PHACTR4: variants seen among roughly 807,000 people sequenced by gnomAD.
PHACTR4 encodes phosphatase and actin regulator 4.
Under a neutral mutation model 72.7 loss-of-function variants are expected in PHACTR4, and 51 were observed. The observed-to-expected ratio is 0.70, with a 90% CI of 0.56 to 0.89. The LOEUF (loss-of-function observed/expected upper bound fraction) is 0.89, where lower values mean the gene tolerates loss of function less well. Ranked by LOEUF, PHACTR4 falls within the 40% of genes least tolerant of loss-of-function variation. The pLI is 0.00. For missense variants in PHACTR4, 731 were observed against 861.8 expected (o/e 0.85, Z 1.90); for synonymous variants, 255 against 302.5 (o/e 0.84, Z 1.63).
At chr1:28,434,479 G>A (rs1656501889) in intron 2 of PHACTR4, among the ~76,000 whole-genome samples, 1 of 151,924 alleles carries the variant, frequency 6.6e-6, no homozygotes, top group African/African-American at 2.4e-5. Flanking sequence ...GTACCACCAA[G>A]CCCAGCTAAT....
At chr1:28,388,388 A>G (rs1652733307) in intron 1 of PHACTR4, among the ~76,000 whole-genome samples, 1 of 152,186 alleles carries the variant, frequency 6.6e-6, no homozygotes, top group Non-Finnish European at 1.5e-5. Context: ...TGAATAGACT[A>G]GGGAATCCAG....
At chr1:28,461,003 CA>C (rs1053699903) in intron 4 of PHACTR4, among the ~76,000 whole-genome samples, 1 of 152,140 alleles carries the variant, frequency 6.6e-6, no homozygotes, top group Non-Finnish European at 1.5e-5. Flanking sequence ...GTCTACCAGT[CA>C]TTGTTTGTTT....
chr1:28,446,803 C>T (rs1463611907), intron 2 of PHACTR4, among the ~76,000 whole-genome samples: 2 of 151,694 alleles, frequency 1.3e-5, no homozygotes, highest in Admixed American at 6.6e-5. Context: ...GTGTGTGGCA[C>T]CTGCCCCCTT....
intron 1 of PHACTR4, among the ~76,000 whole-genome samples, chr1:28,405,922 A>G (rs1569850181): frequency 6.6e-6 from 1 of 151,988 alleles, no homozygotes; most frequent in Admixed American, 6.6e-5. Context: ...AGAAAAAAAT[A>G]ATCTCACTAG....
chr1:28,439,872 T>A (rs900954464), intron 2 of PHACTR4, among the ~76,000 whole-genome samples: 1 of 152,218 alleles, frequency 6.6e-6, no homozygotes, highest in Non-Finnish European at 1.5e-5. Context: ...TAGTAAGGAC[T>A]CAATGCTAGG....
chr1:28,379,901 T>C (rs888595479), intron 1 of PHACTR4, among the ~76,000 whole-genome samples: 1 of 151,914 alleles, frequency 6.6e-6, no homozygotes, highest in African/African-American at 2.4e-5. Context: ...TAATTTCTTA[T>C]ATTCCATAAT....
Position 28,454,438 on chromosome 1 carries a change from G to A in PHACTR4, c.17-4647G>A, listed in dbSNP as rs1009393552. 5.9e-5 allele frequency among the ~76,000 whole-genome samples: 9 copies of A among 151,630 alleles called. No individual in the cohort carries two copies. The South Asian group carries it at 1.3e-3, about 21-fold the overall frequency. ...ACTATAGGCACCCGCCACTGCGCCC[G>A]GCTAATTTTTTGTATTTTTAGTAGA... On this transcript the variant is annotated intron_variant, in intron 2 of 13. Transcript: ENST00000373839.
Position 28,496,728 on chromosome 1 carries a change from C to T in PHACTR4, c.*179C>T, listed in dbSNP as rs914713752. The T allele has an allele frequency of 1.6e-5, 11 of 699,136 alleles. No individual in the cohort carries two copies. The highest frequency in any genetic ancestry group is 3.6e-5 in the African/African-American group (2 of 56,138). 43.3% of individuals were successfully genotyped at this position (699,136 alleles called of 1,614,324 possible). On this transcript the variant is annotated 3_prime_UTR_variant, in exon 14 of 14. Coordinates refer to ENST00000373839, the MANE Select transcript of PHACTR4 (RefSeq NM_001048183.3). ...TGGAACAGAGTCTTATGTGCTGCAC[C>T]GGGGGCAAAACAACACTTTGTCAGT... is the stretch of plus-strand genomic sequence containing the variant.
Position 28,465,710 on chromosome 1 carries a change from C to A in PHACTR4, c.297C>A (p.Ser99Arg), listed in dbSNP as rs1170866513. ...EQGGEDPGKP[S>R]DAMLKNGHTT... ...GTGGTGAGGATCCAGGAAAGCCAAG[C>A]GATGCCATGTTAAAGAATGGCCATA... The change falls in exon 5 of 14, where the codon AGC becomes AGA. Residue 99 changes from serine (S) to arginine (R), a missense_variant. Ser to Arg is a moderately radical substitution (Grantham distance 110, BLOSUM62 -1). This residue lies in a region of PHACTR4 where 621 missense variants were observed against 676.6 expected (regional missense o/e 0.92). Coordinates refer to ENST00000373839, the MANE Select transcript of PHACTR4 (RefSeq NM_001048183.3). 6.2e-7 allele frequency: 1 copy of A among 1,613,666 alleles called. No homozygotes were observed. Among genetic ancestry groups the A allele is most frequent in the Non-Finnish European group, 8.5e-7 (1 of 1,179,870 alleles).
intron 2 of PHACTR4, among the ~76,000 whole-genome samples, chr1:28,453,317 A>G (rs1057251972): frequency 3.3e-5 from 5 of 152,156 alleles, no homozygotes; most frequent in Non-Finnish European, 1.5e-5. Context: ...CTTGAATAAC[A>G]CCACGGGACC....
At chr1:28,472,762 C>T (rs533688963) in intron 6 of PHACTR4, among the ~76,000 whole-genome samples, 633 of 151,036 alleles carry the variant, frequency 4.2e-3, no homozygotes, top group Non-Finnish European at 6.9e-3. Context: ...CACCACCACA[C>T]CTAGCTAATT....
chr1:28,457,720 T>C lies in PHACTR4; in HGVS notation c.17-1365T>C, dbSNP rs188428334. 13 of 569,228 alleles carry C rather than the reference T, an allele frequency of 2.3e-5. No individual in the cohort carries two copies. In the East Asian group the frequency reaches 1.7e-3, roughly 76 times the overall value. The allele number at this position is 569,228 out of a possible 1,614,324, so 35.3% of individuals were successfully genotyped here. A position where few individuals can be genotyped will look rare whatever the true frequency, so the allele number is the denominator to read the frequency against. ...GCTTCAGATGTGAAATTGTTTACAG[T>C]CAACATGTTAGCTTATCATATGCTG... On this transcript the variant is annotated intron_variant, in intron 2 of 13. Coordinates refer to ENST00000373839, the MANE Select transcript of PHACTR4 (RefSeq NM_001048183.3).
intron 1 of PHACTR4, among the ~76,000 whole-genome samples, chr1:28,404,136 G>T (rs1294380607): frequency 6.6e-6 from 1 of 152,090 alleles, no homozygotes; most frequent in Non-Finnish European, 1.5e-5. Flanking sequence ...TTTTTGTAGA[G>T]ACGGGGTTTC....
chr1:28,473,532 T>C lies in PHACTR4; in HGVS notation c.824-22T>C, dbSNP rs370514064. On this transcript the variant is annotated intron_variant, in intron 6 of 13. Transcript: ENST00000373839. The stretch of plus-strand genomic sequence containing the variant: ...AAGCATTGGAAAGTCGTGAAATTGA[T>C]GTGTTGCTCTCTCTTTTCCAGCTGA... 9 of 1,534,544 alleles carry C rather than the reference T, an allele frequency of 5.9e-6. No homozygotes were observed. In the African/African-American group the frequency reaches 1.2e-4, roughly 21 times the overall value.
At position 28,444,769 on chromosome 1, in the gene PHACTR4, C is replaced by G. The variant is rs1383354831; in HGVS notation, c.17-14316C>G. ...TAGCTAGGACTACAGGCGCCTGCCA[C>G]CGCACCCAGCTAATTTTTTTTTTTT... On this transcript the variant is annotated intron_variant, in intron 2 of 13. Transcript: ENST00000373839. 8.1e-4 allele frequency among the ~76,000 whole-genome samples: 117 copies of G among 145,110 alleles called. 1 individual carries two copies. Among genetic ancestry groups the G allele is most frequent in the African/African-American group, 2.9e-3 (113 of 38,672 alleles).
At chr1:28,373,556 C>G (rs1016755032) in intron 1 of PHACTR4, among the ~76,000 whole-genome samples, 1 of 152,142 alleles carries the variant, frequency 6.6e-6, no homozygotes, top group African/African-American at 2.4e-5. Context: ...TCCCAAAGTT[C>G]TGGGATTACA....
intron 13 of PHACTR4, among the ~76,000 whole-genome samples, chr1:28,496,320 T>C (rs1232829009): frequency 6.6e-6 from 1 of 151,986 alleles, no homozygotes; most frequent in Non-Finnish European, 1.5e-5. Context: ...CCTCCCAAAG[T>C]GCTGGGATTA....
At chr1:28,370,075 C>G (rs1651109251) in intron 1 of PHACTR4, among the ~76,000 whole-genome samples, 1 of 152,122 alleles carries the variant, frequency 6.6e-6, no homozygotes, top group Admixed American at 6.5e-5. Flanking sequence ...CCCTCTCCGC[C>G]CCCCGAGACT....
rs536622349 is a variant in PHACTR4, at chr1:28,497,995, C to CAAAA, written c.*1458_*1461dup. 3 of 78,510 alleles carry CAAAA rather than the reference C, an allele frequency of 3.8e-5. No homozygotes were observed. Among genetic ancestry groups the CAAAA allele is most frequent in the African/African-American group, 7.8e-5 (2 of 25,522 alleles). The allele number at this position is 78,510 out of a possible 1,614,324, so 4.9% of individuals were successfully genotyped here. A position where few individuals can be genotyped will look rare whatever the true frequency, so the allele number is the denominator to read the frequency against. On this transcript the variant is annotated 3_prime_UTR_variant, in exon 14 of 14. Coordinates refer to ENST00000373839, the MANE Select transcript of PHACTR4 (RefSeq NM_001048183.3). ...TGGGTGACAGAGCGAGACTCCGTCT[C>CAAAA]AAAAAAAAAAAAAAAGCCTTAATAT... is the stretch of plus-strand genomic sequence containing the variant.
Sources: gnomAD v4.1 joint callset for allele counts (sites outside exome capture counted in the v4.1 genomes callset) on GRCh38, gnomAD v4.1.1 for gene constraint, gnomAD v4.1.1 regional missense constraint, MANE v1.5 for transcripts, NCBI Gene and HGNC (gene_info 2026-07-23, HGNC 2026-07-21) for gene names.